TMEFF2: variants seen among roughly 807,000 people sequenced by gnomAD.
TMEFF2 encodes tomoregulin-2.
Under a neutral mutation model 53.8 loss-of-function variants are expected in TMEFF2, and 28 were observed. The ratio of observed to expected loss-of-function variants is 0.52; its 90% CI spans 0.39 to 0.71. The LOEUF (loss-of-function observed/expected upper bound fraction) is 0.71. Among genes scored for constraint, TMEFF2 ranks in the 30% least tolerant of loss-of-function variants. The pLI is 0.00. For synonymous variants in TMEFF2, 162 were observed against 166.3 expected (o/e 0.97, Z 0.20); for missense variants, 353 against 455.2 (o/e 0.78, Z 2.04).
At chr2:192,128,076 T>C (rs1444561258) in intron 4 of TMEFF2, among the ~76,000 whole-genome samples, 2 of 152,216 alleles carry the variant, frequency 1.3e-5, no homozygotes, top group African/African-American at 4.8e-5. Flanking sequence ...TTTAGGGCAC[T>C]GTAGTTTTTA....
intron 7 of TMEFF2, among the ~76,000 whole-genome samples, chr2:191,964,228 CTT>C: frequency 1.6e-5 from 1 of 62,372 alleles, no homozygotes; most frequent in African/African-American, 5.6e-5. Context: ...GTCTGTCTTT[CTT>C]TCCTTCCTTC....
At chr2:192,088,396 CTGA>C (rs1316300844) in intron 4 of TMEFF2, among the ~76,000 whole-genome samples, 1 of 152,008 alleles carries the variant, frequency 6.6e-6, no homozygotes, top group Non-Finnish European at 1.5e-5. Context: ...GGATTTTTAG[CTGA>C]TGGAGTGTCT....
intron 4 of TMEFF2, among the ~76,000 whole-genome samples, chr2:192,099,035 T>A (rs753111830): frequency 2.6e-5 from 4 of 152,026 alleles, no homozygotes; most frequent in African/African-American, 9.7e-5. Context: ...TGGTTCATAT[T>A]CTCCAAAGAC....
At chr2:191,963,613 A>G (rs376021153) in intron 7 of TMEFF2, among the ~76,000 whole-genome samples, 1 of 152,228 alleles carries the variant, frequency 6.6e-6, no homozygotes, top group African/African-American at 2.4e-5. Context: ...GAATATAGTG[A>G]AAGCAAAGGT....
Position 191,950,097 on chromosome 2 carries a change from T to C in TMEFF2, c.*214A>G. ...ACTATATTGTGTGATATAAATAGTT[T>C]ATTTACATTACAGAAAAAACATCAA... On this transcript the variant is annotated 3_prime_UTR_variant, in exon 10 of 10. Coordinates refer to ENST00000272771, the MANE Select transcript of TMEFF2 (RefSeq NM_016192.4). The C allele has an allele frequency of 7.6e-7, 1 of 1,311,568 alleles. No individual in the cohort carries two copies. The allele number at this position is 1,311,568 out of a possible 1,614,324, so 81.2% of individuals were successfully genotyped here.
chr2:192,152,690 A>G (rs1183066678), intron 4 of TMEFF2, among the ~76,000 whole-genome samples: 2 of 151,946 alleles, frequency 1.3e-5, no homozygotes, highest in African/African-American at 4.8e-5. Flanking sequence ...ACAATTATTT[A>G]ATCAACCCAG....
Position 192,023,766 on chromosome 2 carries a change from G to A in TMEFF2, c.537-24558C>T, listed in dbSNP as rs1003555139. Among the ~76,000 whole-genome samples, 4 of 152,100 alleles carry A rather than the reference G, an allele frequency of 2.6e-5. No homozygotes were observed. In the South Asian group the frequency reaches 8.3e-4, roughly 31 times the overall value. On this transcript the variant is annotated intron_variant, in intron 5 of 9. Coordinates refer to ENST00000272771, the MANE Select transcript of TMEFF2 (RefSeq NM_016192.4). Reference sequence around the variant, plus strand: ...TGCTAGTCAGACACAGAATTAAACTGGGAGAGCTTTCCTCTCATCACCTCT... The same window carrying A: ...TGCTAGTCAGACACAGAATTAAACTAGGAGAGCTTTCCTCTCATCACCTCT...
chr2:191,969,404 G>C (rs1006418795), intron 7 of TMEFF2, among the ~76,000 whole-genome samples: 2 of 152,008 alleles, frequency 1.3e-5, no homozygotes, highest in Non-Finnish European at 2.9e-5. Flanking sequence ...ACAAGGTAAG[G>C]TGCAATATGG....
In TMEFF2 at chr2:192,156,013, T is replaced by TG. The variant is rs1690498480; in HGVS notation, c.439+23654dup. On this transcript the variant is annotated intron_variant, in intron 4 of 9. Coordinates refer to ENST00000272771, the MANE Select transcript of TMEFF2 (RefSeq NM_016192.4). ...AAACATTAAAATACAGAGGAACATT[T>TG]GAAAAAAAAAAACAAGATAATAGAG... Among the ~76,000 whole-genome samples, 3 of 131,042 alleles carry TG rather than the reference T, an allele frequency of 2.3e-5. No homozygotes were observed. In the South Asian group the frequency reaches 7.6e-4, roughly 33 times the overall value. 86.0% of individuals were successfully genotyped at this position (131,042 alleles called of 152,430 possible). A position where few individuals can be genotyped will look rare whatever the true frequency, so the allele number is the denominator to read the frequency against.
intron 4 of TMEFF2, among the ~76,000 whole-genome samples, chr2:192,085,591 C>A (rs528124908): frequency 3.7e-4 from 56 of 152,090 alleles, no homozygotes; most frequent in African/African-American, 1.3e-3. Context: ...GTGCTTGGTT[C>A]CATCTCGCTA....
chr2:191,985,825 A>G (rs555504165), intron 7 of TMEFF2, among the ~76,000 whole-genome samples: 3 of 152,314 alleles, frequency 2.0e-5, no homozygotes, highest in Non-Finnish European at 4.4e-5. Flanking sequence ...CAAGACCAAT[A>G]ACTTTATTTC....
intron 4 of TMEFF2, among the ~76,000 whole-genome samples, chr2:192,059,230 A>C (rs1574335920): frequency 3.9e-5 from 6 of 151,992 alleles, no homozygotes; most frequent in African/African-American, 9.7e-5. Context: ...TTTCAATTGC[A>C]AAAGTATTGA....
At chr2:192,070,286 C>T (rs959381769) in intron 4 of TMEFF2, among the ~76,000 whole-genome samples, 1 of 151,762 alleles carries the variant, frequency 6.6e-6, no homozygotes, top group African/African-American at 2.4e-5. Flanking sequence ...CTGACCATAA[C>T]ACTGTGAGTC....
chr2:192,119,580 A>C (rs1574389684), intron 4 of TMEFF2, among the ~76,000 whole-genome samples: 4 of 152,234 alleles, frequency 2.6e-5, no homozygotes, highest in Admixed American at 2.0e-4. Flanking sequence ...GGAAGCCCAC[A>C]ATCACACAGT....
At chr2:191,990,763 GGT>G (rs34545329) in intron 7 of TMEFF2, among the ~76,000 whole-genome samples, 206 of 134,204 alleles carry the variant, frequency 1.5e-3, no homozygotes, top group East Asian at 4.2e-3. Context: ...CTCTTTGCGG[GGT>G]GTGTGTGTGT....
chr2:192,193,798 A>AGAGAGAGAGAGAGAGGGAGG (rs1559167269), intron 1 of TMEFF2, among the ~76,000 whole-genome samples: 1 of 139,836 alleles, frequency 7.2e-6, no homozygotes, highest in African/African-American at 2.8e-5. Context: ...AGAGAGAGAG[A>AGAGAGAGAGAGAGAGGGAGG]GAGAGAGAGA....
At chr2:192,010,698 G>C (rs942165846) in intron 5 of TMEFF2, among the ~76,000 whole-genome samples, 1 of 152,166 alleles carries the variant, frequency 6.6e-6, no homozygotes, top group Non-Finnish European at 1.5e-5. Flanking sequence ...AACAGAAGGA[G>C]GAAAACAAAT....
chr2:192,143,673 C>T (rs1354548602), intron 4 of TMEFF2, among the ~76,000 whole-genome samples: 1 of 152,022 alleles, frequency 6.6e-6, no homozygotes, highest in Admixed American at 6.6e-5. Context: ...AAATTAATTA[C>T]ATTCATCATT....
At chr2:192,102,538 T>C (rs1016540557) in intron 4 of TMEFF2, among the ~76,000 whole-genome samples, 2 of 151,992 alleles carry the variant, frequency 1.3e-5, no homozygotes, top group African/African-American at 4.8e-5. Context: ...GCTCTGCTCC[T>C]AGATATCTCC....
Sources: allele counts gnomAD v4.1 joint callset (sites outside exome capture counted in the v4.1 genomes callset), GRCh38; gene constraint gnomAD v4.1.1; transcripts MANE v1.5; gene names NCBI Gene and HGNC (gene_info 2026-07-23, HGNC 2026-07-21).